Variants in SUSD4 observed in about 807,000 individuals in gnomAD.
The protein encoded by SUSD4 is sushi domain containing 4.
A neutral mutation model predicts 50.5 loss-of-function variants in SUSD4; 41 were observed. The observed-to-expected ratio is 0.81, with a 90% confidence interval of 0.63 to 1.05. The LOEUF (loss-of-function observed/expected upper bound fraction) is 1.05. SUSD4 is among the 50% of genes least tolerant of loss of function. The pLI, the probability that SUSD4 is intolerant of heterozygous loss-of-function variation, is 0.00. For missense variants in SUSD4, 580 were observed against 634.7 expected (o/e 0.91, Z 0.93); for synonymous variants, 257 against 257.3 (o/e 1.00, Z 0.01).
rs374175006 is a variant in SUSD4, at chr1:223,292,639, A to C, written c.161T>G (p.Leu54Arg). 3.2e-5 allele frequency: 52 copies of C among 1,613,932 alleles called. No homozygotes were observed. The highest frequency in any genetic ancestry group is 2.3e-4 in the Admixed American group (14 of 59,984). Residue 54 changes from leucine (L) to arginine (R), a missense_variant, in exon 3 of 9, where the codon CTT becomes CGT. Coordinates refer to ENST00000366878, the MANE Select transcript of SUSD4 (RefSeq NM_017982.4). ...PAQLTGGFDD[L>R]QVCADPGIPE... is the part of the protein sequence containing the mutation. ...AATGCCGGGGTCAGCACACACTTGA[A>C]GGTCATCGAACCCTACATCAACAAA...
chr1:223,301,415 G>C (rs1172969837), intron 2 of SUSD4, among the ~76,000 whole-genome samples: 1 of 152,186 alleles, frequency 6.6e-6, no homozygotes, highest in Non-Finnish European at 1.5e-5. Flanking sequence ...GGTATTCTTG[G>C]AGAGAACACA....
At chr1:223,244,165 G>A (rs1457225950) in intron 5 of SUSD4, among the ~76,000 whole-genome samples, 1 of 152,216 alleles carries the variant, frequency 6.6e-6, no homozygotes, top group Non-Finnish European at 1.5e-5. Flanking sequence ...TCCCACCGGG[G>A]TTTGGAAGGC....
chr1:223,279,537 G>A (rs904932561), intron 3 of SUSD4, among the ~76,000 whole-genome samples: 1 of 152,180 alleles, frequency 6.6e-6, no homozygotes, highest in African/African-American at 2.4e-5. Context: ...AGAAGTTAGA[G>A]AAAACAGGGT....
chr1:223,363,198 T>G (rs1572149194), intron 2 of SUSD4, 80 bp downstream of exon 2: 1 of 1,395,598 alleles, frequency 7.2e-7, no homozygotes, highest in Non-Finnish European at 9.4e-7. Flanking sequence ...GGGGGAGGGG[T>G]GCAGGGCTGT....
At chr1:223,344,795 C>T (rs61838243) in intron 2 of SUSD4, among the ~76,000 whole-genome samples, 28,352 of 152,124 alleles carry the variant, frequency 0.19, 3,169 homozygotes, top group Non-Finnish European at 0.26. Context: ...GATATGTACA[C>T]GTGGAGGGTA....
intron 3 of SUSD4, among the ~76,000 whole-genome samples, chr1:223,280,660 C>T (rs1330167691): frequency 6.6e-6 from 1 of 152,084 alleles, no homozygotes; most frequent in Admixed American, 6.5e-5. Context: ...ACCCCATTGT[C>T]AACATTACAC....
At chr1:223,222,277 TG>T in intron 8 of SUSD4, 57 bp from the exon 9 acceptor site, 1 of 1,546,652 alleles carries the variant, frequency 6.5e-7, no homozygotes, top group Non-Finnish European at 8.9e-7. Flanking sequence ...CATGACGATC[TG>T]GAATTATATG....
intron 2 of SUSD4, among the ~76,000 whole-genome samples, chr1:223,317,851 C>CTTTTTTTTTTTTTTT (rs1172641015): frequency 1.8e-4 from 18 of 100,742 alleles, no homozygotes; most frequent in East Asian, 2.9e-4. Flanking sequence ...TTTTTTTTTT[C>CTTTTTTTTTTTTTTT]TTTTTTTTTT....
At chr1:223,320,704 G>A (rs1474523796) in intron 2 of SUSD4, among the ~76,000 whole-genome samples, 1 of 152,188 alleles carries the variant, frequency 6.6e-6, no homozygotes, top group Admixed American at 6.5e-5. Context: ...CCTCTCTTTA[G>A]TCTGAGAGTC....
intron 3 of SUSD4, among the ~76,000 whole-genome samples, chr1:223,287,140 A>G (rs1168876789): frequency 2.0e-5 from 3 of 152,206 alleles, no homozygotes; most frequent in Non-Finnish European, 4.4e-5. Flanking sequence ...CAGTGGCACG[A>G]TATCGGTTCA....
In SUSD4 at chr1:223,308,843, G is replaced by A. The variant is rs544449268; in HGVS notation, c.149-16192C>T. On this transcript the variant is annotated intron_variant, in intron 2 of 8. Transcript: ENST00000366878. ...CTGCAATACTTTGCCCCCTACTACT[G>A]GAATGGCATCTTGACCTGATGGCAC... Among the ~76,000 whole-genome samples, 3 of 152,172 alleles carry A rather than the reference G, an allele frequency of 2.0e-5. No homozygotes were observed. The East Asian group carries it at 5.8e-4, about 29-fold the overall frequency.
At chr1:223,326,121 C>T (rs539361413) in intron 2 of SUSD4, among the ~76,000 whole-genome samples, 2 of 152,206 alleles carry the variant, frequency 1.3e-5, no homozygotes, top group South Asian at 4.1e-4. Context: ...GTGTAGTTAC[C>T]AAAACAGCAT....
chr1:223,236,785 T>A (rs904934530), intron 5 of SUSD4, among the ~76,000 whole-genome samples: 24 of 152,148 alleles, frequency 1.6e-4, no homozygotes, highest in African/African-American at 5.8e-4. Flanking sequence ...GGTCAGGCAA[T>A]GTCAGTCCTC....
rs1195039753 is a variant in SUSD4, at chr1:223,277,852, G to A, written c.362-9177C>T. 6.6e-5 allele frequency among the ~76,000 whole-genome samples: 10 copies of A among 152,086 alleles called. No homozygotes were observed. In the East Asian group the frequency reaches 9.6e-4, roughly 15 times the overall value. On this transcript the variant is annotated intron_variant, in intron 3 of 8. Coordinates refer to ENST00000366878, the MANE Select transcript of SUSD4 (RefSeq NM_017982.4). The stretch of plus-strand genomic sequence containing the variant: ...TTAAACATCTCTAAGGATCTTTGTC[G>A]AACACTAGAGAAAATTATGTTATTC...
chr1:223,256,659 T>A (rs1018841927), intron 5 of SUSD4, among the ~76,000 whole-genome samples: 3 of 152,192 alleles, frequency 2.0e-5, no homozygotes, highest in Non-Finnish European at 2.9e-5. Context: ...GCAGCCTCTC[T>A]GAGAACAGTG....
At chr1:223,357,663 C>T (rs1352406647) in intron 2 of SUSD4, among the ~76,000 whole-genome samples, 1 of 152,212 alleles carries the variant, frequency 6.6e-6, no homozygotes, top group Non-Finnish European at 1.5e-5. Context: ...TATTGAAGTA[C>T]TATTAACAAT....
At chr1:223,308,596 G>T (rs1487327201) in intron 2 of SUSD4, among the ~76,000 whole-genome samples, 2 of 152,068 alleles carry the variant, frequency 1.3e-5, no homozygotes, top group African/African-American at 4.8e-5. Flanking sequence ...AACTGTTCAG[G>T]AATAACAAAA....
intron 3 of SUSD4, among the ~76,000 whole-genome samples, chr1:223,279,369 G>A (rs956701733): frequency 2.0e-5 from 3 of 152,182 alleles, no homozygotes; most frequent in African/African-American, 4.8e-5. Flanking sequence ...GTGTAGAGAA[G>A]TCCTTAAATG....
At chr1:223,292,718 A>G in intron 2 of SUSD4, 67 bp from the exon 3 acceptor site, 3 of 1,532,432 alleles carry the variant, frequency 2.0e-6, no homozygotes, top group African/African-American at 1.4e-5. Flanking sequence ...GCCTTCCTAC[A>G]TAAATGGCAG....
Sources: gnomAD v4.1 joint callset for allele counts (sites outside exome capture counted in the v4.1 genomes callset) on GRCh38, gnomAD v4.1.1 for gene constraint, MANE v1.5 for transcripts, NCBI Gene and HGNC (gene_info 2026-07-23, HGNC 2026-07-21) for gene names.